SH3KBP1: variants seen among roughly 807,000 people sequenced by gnomAD.
SH3KBP1 encodes SH3 domain containing kinase binding protein 1.
Under a neutral mutation model 50.1 loss-of-function variants are expected in SH3KBP1, and 8 were observed. That is an observed-to-expected ratio of 0.16 (90% CI 0.09 to 0.29). SH3KBP1 has a LOEUF of 0.29. SH3KBP1 is among the 10% of genes least tolerant of loss of function. The pLI is 1.00. For missense variants in SH3KBP1, 377 were observed against 535.2 expected (o/e 0.70, Z 2.92); for synonymous variants, 227 against 218.6 (o/e 1.04, Z -0.34).
Position 19,857,638 on chromosome X carries a change from C to T in SH3KBP1, c.5-21356G>A, listed in dbSNP as rs545727611. Among the ~76,000 whole-genome samples the T allele has an allele frequency of 1.1e-3, 118 of 111,243 alleles. 1 individual carries two copies. In the South Asian group the frequency reaches 0.044, roughly 41 times the overall value. On this transcript the variant is annotated intron_variant, in intron 1 of 17. Transcript: ENST00000397821. ...TCGGGAGGCTGAAGCAGGAGAATCG[C>T]TTGAACCTGGGAGGCGGAGGTTGCA... is the stretch of plus-strand genomic sequence containing the variant.
At chrX:19,843,001 G>A (rs1047061587) in intron 1 of SH3KBP1, among the ~76,000 whole-genome samples, 2 of 102,159 alleles carry the variant, frequency 2.0e-5, no homozygotes, top group African/African-American at 7.3e-5. Flanking sequence ...AGATACTCGT[G>A]CATCAACTTT....
chrX:19,766,352 T>C (rs2065604004), intron 2 of SH3KBP1, among the ~76,000 whole-genome samples: 1 of 110,157 alleles, frequency 9.1e-6, no homozygotes, highest in African/African-American at 3.3e-5. Flanking sequence ...CCATTTTGAA[T>C]TGGGTTATTT....
chrX:19,766,895 G>A lies in SH3KBP1; in HGVS notation c.163-20454C>T, dbSNP rs913172492. ...GCTTCCCTCTTATAAGGACCCTTGTGATTCTAATCCAAAATCCTTAACCAT... is the reference window on the plus strand; with the variant it reads ...GCTTCCCTCTTATAAGGACCCTTGTAATTCTAATCCAAAATCCTTAACCAT... On this transcript the variant is annotated intron_variant, in intron 2 of 17. Coordinates refer to ENST00000397821, the MANE Select transcript of SH3KBP1 (RefSeq NM_031892.3). 5.4e-5 allele frequency among the ~76,000 whole-genome samples: 6 copies of A among 111,055 alleles called. No individual in the cohort carries two copies. The East Asian group carries it at 1.7e-3, about 31-fold the overall frequency.
intron 1 of SH3KBP1, among the ~76,000 whole-genome samples, chrX:19,858,763 A>C (rs1235634482): frequency 1.8e-5 from 2 of 112,575 alleles, no homozygotes; most frequent in Non-Finnish European, 3.7e-5. Context: ...AATTCAACAA[A>C]ACAAAAATAT....
chrX:19,568,461 TAAG>T (rs952946240), intron 13 of SH3KBP1, among the ~76,000 whole-genome samples: 3 of 112,117 alleles, frequency 2.7e-5, no homozygotes, highest in Non-Finnish European at 5.6e-5. Flanking sequence ...AATAAAATAA[TAAG>T]AAAAAATTAG....
At position 19,537,798 on chromosome X, in the gene SH3KBP1, A is replaced by G; in HGVS notation, c.1893-18T>C. Reference sequence around the variant, plus strand: ...TCTCTCGTCTGAAAAGCAAATGGCAATGAAATTAACCAAAATCCCAGACTT... The same window carrying G: ...TCTCTCGTCTGAAAAGCAAATGGCAGTGAAATTAACCAAAATCCCAGACTT... On this transcript the variant is annotated intron_variant, in intron 16 of 17. Transcript: ENST00000397821. The G allele has an allele frequency of 4.2e-6, 5 of 1,187,973 alleles. No individual in the cohort carries two copies. The highest frequency in any genetic ancestry group is 5.7e-6 in the Non-Finnish European group (5 of 874,276).
At chrX:19,763,818 T>TA (rs1221304525) in intron 2 of SH3KBP1, among the ~76,000 whole-genome samples, 3 of 109,095 alleles carry the variant, frequency 2.7e-5, no homozygotes, top group African/African-American at 1.0e-4. Flanking sequence ...GGTACGGAGT[T>TA]CGAGACCAGC....
intron 2 of SH3KBP1, among the ~76,000 whole-genome samples, chrX:19,764,809 C>T (rs944325279): frequency 9.4e-6 from 1 of 105,866 alleles, no homozygotes; most frequent in East Asian, 2.9e-4. Flanking sequence ...ACATGCGCTC[C>T]AACTCTTTTT....
At chrX:19,724,826 T>C (rs1171735387) in intron 3 of SH3KBP1, among the ~76,000 whole-genome samples, 1 of 112,113 alleles carries the variant, frequency 8.9e-6, no homozygotes, top group African/African-American at 3.2e-5. Context: ...CTTCCCTGAC[T>C]GCTTTTGAGG....
intron 5 of SH3KBP1, among the ~76,000 whole-genome samples, chrX:19,686,502 G>A (rs1004896165): frequency 2.7e-5 from 3 of 111,087 alleles, no homozygotes; most frequent in Non-Finnish European, 5.7e-5. Context: ...TGTCTGGGGC[G>A]ATGCTTTAGT....
At position 19,683,875 on chromosome X, in the gene SH3KBP1, T is replaced by A; in HGVS notation, c.674A>T (p.Lys225Ile). 8.3e-7 allele frequency: 1 copy of A among 1,211,817 alleles called. No homozygotes were observed. Among genetic ancestry groups the A allele is most frequent in the Non-Finnish European group, 1.1e-6 (1 of 895,328 alleles). ...TACTTCAATTGACCTTGGTCTTAGT[T>A]TGATTGGCTTGTCTTTGAAAATGTC... ...FGDIFKDKPIKLRPRSIEVEN... is the reference protein window; with the variant it reads ...FGDIFKDKPIILRPRSIEVEN... Residue 225 changes from lysine (K) to isoleucine (I), a missense_variant, in exon 6 of 18, where the codon AAA becomes ATA. Physicochemically the swap from Lys to Ile is moderately radical, Grantham distance 102. Around this residue, in one of 3 missense-constraint regions of SH3KBP1, gnomAD observed 257 missense variants for 374.2 expected, o/e 0.69. Transcript: ENST00000397821.
At chrX:19,614,770 G>T (rs771667602) in intron 8 of SH3KBP1, among the ~76,000 whole-genome samples, 1 of 111,919 alleles carries the variant, frequency 8.9e-6, no homozygotes, top group East Asian at 2.8e-4. Context: ...ACTTCTAAGA[G>T]GTTCCCAGGT....
chrX:19,681,852 T>A (rs776554453), intron 6 of SH3KBP1, among the ~76,000 whole-genome samples: 1 of 110,483 alleles, frequency 9.1e-6, no homozygotes, highest in Admixed American at 9.6e-5. Context: ...ATGAGTAGCA[T>A]GATGTGACTT....
chrX:19,699,818 A>G (rs2063503741), intron 4 of SH3KBP1, among the ~76,000 whole-genome samples: 1 of 111,790 alleles, frequency 8.9e-6, no homozygotes, highest in Admixed American at 9.5e-5. Context: ...GTAAGGCACT[A>G]AAGAGGAAGT....
At chrX:19,773,438 A>G (rs1169160552) in intron 2 of SH3KBP1, among the ~76,000 whole-genome samples, 2 of 110,095 alleles carry the variant, frequency 1.8e-5, no homozygotes, top group Non-Finnish European at 3.8e-5. Context: ...CTGAACTCAA[A>G]TGCAAATTTT....
chrX:19,656,460 G>C (rs922939789), intron 6 of SH3KBP1, among the ~76,000 whole-genome samples: 2 of 112,224 alleles, frequency 1.8e-5, no homozygotes, highest in Non-Finnish European at 3.8e-5. Context: ...ATAGTTTACA[G>C]TCACTACAGG....
intron 1 of SH3KBP1, among the ~76,000 whole-genome samples, chrX:19,864,138 G>C (rs2147518402): frequency 9.0e-6 from 1 of 111,427 alleles, no homozygotes; most frequent in South Asian, 3.8e-4. Flanking sequence ...AGAGAAACAA[G>C]GTATCTGACA....
At chrX:19,867,851 C>G (rs141126059) in intron 1 of SH3KBP1, among the ~76,000 whole-genome samples, 4,050 of 110,442 alleles carry the variant, frequency 0.037, 70 homozygotes, top group Non-Finnish European at 0.055. Context: ...AAGAAAGTGA[C>G]TGATGAAAGA....
chrX:19,787,212 C>T (rs2066375626), intron 2 of SH3KBP1, among the ~76,000 whole-genome samples: 1 of 111,771 alleles, frequency 8.9e-6, no homozygotes, highest in Non-Finnish European at 1.9e-5. Context: ...CACCTTCTCA[C>T]ACCACTTTGC....
Sources: gnomAD v4.1 joint callset for allele counts (sites outside exome capture counted in the v4.1 genomes callset) on GRCh38, gnomAD v4.1.1 for gene constraint, gnomAD v4.1.1 regional missense constraint, MANE v1.5 for transcripts, NCBI Gene and HGNC (gene_info 2026-07-23, HGNC 2026-07-21) for gene names.